Variants in SLC41A3 observed in about 807,000 individuals in gnomAD.
The protein encoded by SLC41A3 is solute carrier family 41 member 3.
In SLC41A3, 44 loss-of-function variants were observed where a neutral mutation model predicts 45.4. That is an observed-to-expected ratio of 0.97 (90% CI 0.76 to 1.25). The LOEUF (loss-of-function observed/expected upper bound fraction) is 1.25. SLC41A3 is among the 50% of genes most tolerant of loss of function. SLC41A3 has a pLI of 0.00. For missense variants in SLC41A3, 550 were observed against 600.6 expected, an observed-to-expected ratio of 0.92 and a Z score of 0.88; for synonymous variants, 256 against 252.4, an observed-to-expected ratio of 1.01 and a Z score of -0.13.
At chr3:126,057,157 G>A in intron 2 of SLC41A3, 1 of 985,398 alleles carries the variant, frequency 1.0e-6, no homozygotes, top group Non-Finnish European at 1.2e-6. Flanking sequence ...AGCAGTCTAT[G>A]GGTCCCCAAG....
chr3:126,060,867 GC>G (rs1286413831), intron 2 of SLC41A3, among the ~76,000 whole-genome samples: 1 of 152,216 alleles, frequency 6.6e-6, no homozygotes, highest in African/African-American at 2.4e-5. Flanking sequence ...CACAGCATGA[GC>G]AAGTGGCACA....
chr3:126,065,448 C>T (rs888831612), intron 2 of SLC41A3, among the ~76,000 whole-genome samples: 8 of 152,230 alleles, frequency 5.3e-5, no homozygotes, highest in Non-Finnish European at 5.9e-5. Context: ...TTGCACTGAA[C>T]TGAACACTAA....
At chr3:126,066,445 C>T (rs532009848) in intron 2 of SLC41A3, among the ~76,000 whole-genome samples, 23 of 152,198 alleles carry the variant, frequency 1.5e-4, no homozygotes, top group African/African-American at 4.8e-4. Flanking sequence ...CTTAATATAA[C>T]GCGTGAGTTT....
intron 1 of SLC41A3, among the ~76,000 whole-genome samples, chr3:126,091,415 G>A (rs1434521323): frequency 6.6e-6 from 1 of 152,108 alleles, no homozygotes; most frequent in African/African-American, 2.4e-5. Flanking sequence ...GAGACAACTG[G>A]AAGTGGGCAG....
At position 126,015,503 on chromosome 3, in the gene SLC41A3, C is replaced by T. The variant is rs138712564; in HGVS notation, c.961G>A (p.Val321Ile). 267 of 1,614,166 alleles carry T rather than the reference C, an allele frequency of 1.7e-4. 2 individuals are homozygous for T. Among genetic ancestry groups the T allele is most frequent in the South Asian group, 3.2e-4 (29 of 91,082 alleles). The change falls in exon 8 of 11, where the codon GTC becomes ATC. Residue 321 changes from valine to isoleucine, a missense_variant. Val to Ile is a conservative substitution (Grantham distance 29). Transcript: ENST00000360370. The stretch of plus-strand genomic sequence containing the variant: ...CCCTTCAAATACGTACCACATATGA[C>T]GGGGGTAAATATCGCCATGCCTTTG... Reference protein sequence around the residue: ...QYKGMAIFTPVICGVGGNLVA... With the variant: ...QYKGMAIFTPIICGVGGNLVA...
intron 4 of SLC41A3, among the ~76,000 whole-genome samples, chr3:126,032,476 G>A (rs1209408179): frequency 6.6e-6 from 1 of 152,232 alleles, no homozygotes; most frequent in Admixed American, 6.5e-5. Context: ...AGGACAGGGT[G>A]ATGTCCAGGT....
At chr3:126,067,645 C>T in intron 2 of SLC41A3, 1 of 502,254 alleles carries the variant, frequency 2.0e-6, no homozygotes, top group East Asian at 5.2e-5. Context: ...TTTGTTATGG[C>T]AGCAGTAGTT....
chr3:126,082,686 TTGG>T (rs1945221676), intron 1 of SLC41A3, among the ~76,000 whole-genome samples: 1 of 152,198 alleles, frequency 6.6e-6, no homozygotes, highest in Non-Finnish European at 1.5e-5. Flanking sequence ...CCCTGTGAGG[TTGG>T]CCTTGGACCC....
chr3:126,073,642 A>G (rs1944736422), intron 1 of SLC41A3, among the ~76,000 whole-genome samples: 1 of 152,206 alleles, frequency 6.6e-6, no homozygotes, highest in South Asian at 2.1e-4. Flanking sequence ...ACAAATTCCT[A>G]GAAACACAAA....
intron 1 of SLC41A3, among the ~76,000 whole-genome samples, chr3:126,080,085 G>C (rs970502651): frequency 6.6e-5 from 10 of 152,044 alleles, no homozygotes; most frequent in African/African-American, 2.4e-4. Flanking sequence ...CAGATTAAAG[G>C]CTTATATGAT....
intron 9 of SLC41A3, among the ~76,000 whole-genome samples, chr3:126,011,410 AG>A (rs1939698787): frequency 6.6e-6 from 1 of 152,228 alleles, no homozygotes; most frequent in African/African-American, 2.4e-5. Context: ...AATCTAAACA[AG>A]GAGAGTAATA....
At chr3:126,078,407 A>C (rs1348892304) in intron 1 of SLC41A3, among the ~76,000 whole-genome samples, 1 of 152,020 alleles carries the variant, frequency 6.6e-6, no homozygotes, top group Non-Finnish European at 1.5e-5. Context: ...GAGGACTTGG[A>C]CCCTGCCCAC....
chr3:126,008,909 G>C, intron 9 of SLC41A3, 29 bp from the exon 10 acceptor site: 1 of 1,609,566 alleles, frequency 6.2e-7, no homozygotes, highest in East Asian at 2.2e-5. Context: ...AGAAGGTCAT[G>C]TGACCTGAAG....
intron 7 of SLC41A3, among the ~76,000 whole-genome samples, chr3:126,016,203 A>T (rs1275522981): frequency 6.6e-6 from 1 of 152,238 alleles, no homozygotes; most frequent in Admixed American, 6.5e-5. Flanking sequence ...GAGCCTTGAG[A>T]GGGAGCTGGA....
intron 6 of SLC41A3, among the ~76,000 whole-genome samples, chr3:126,022,509 G>A (rs7634234): frequency 0.23 from 34,837 of 152,174 alleles, 4,275 homozygotes; most frequent in Non-Finnish European, 0.27. Context: ...CCAGCGTGCA[G>A]CTCAGGTCTC....
intron 4 of SLC41A3, among the ~76,000 whole-genome samples, chr3:126,032,668 C>T (rs1941888135): frequency 6.6e-6 from 1 of 152,166 alleles, no homozygotes; most frequent in Non-Finnish European, 1.5e-5. Flanking sequence ...ACAATGAGGC[C>T]AGACTTGGCT....
intron 3 of SLC41A3, among the ~76,000 whole-genome samples, chr3:126,039,657 G>A (rs1397848224): frequency 6.6e-6 from 1 of 152,232 alleles, no homozygotes; most frequent in African/African-American, 2.4e-5. Context: ...CCACACTCAA[G>A]GGGAAGGAAT....
intron 10 of SLC41A3, 25 bp from the exon 11 acceptor site, chr3:126,007,250 AAAG>A (rs746173340): frequency 6.2e-7 from 1 of 1,609,802 alleles, no homozygotes. Context: ...AAGAGACACA[AAAG>A]AAGACCAAGT....
chr3:126,042,072 G>A (rs1576289707), intron 3 of SLC41A3, among the ~76,000 whole-genome samples: 2 of 152,344 alleles, frequency 1.3e-5, no homozygotes, highest in East Asian at 3.9e-4. Context: ...CCTGAGGGCT[G>A]CCCAAGTAAC....
Sources: allele counts gnomAD v4.1 joint callset (sites outside exome capture counted in the v4.1 genomes callset), GRCh38; gene constraint gnomAD v4.1.1; transcripts MANE v1.5; gene names NCBI Gene and HGNC (gene_info 2026-07-23, HGNC 2026-07-21).